The following CWC27 variants were observed in gnomAD, a reference collection of about 807,000 sequenced individuals.
The protein encoded by CWC27 is spliceosome-associated protein CWC27 homolog.
CWC27 carries 47 observed loss-of-function variants against 63.6 expected under a neutral mutation model. The observed-to-expected ratio is 0.74, with a 90% CI of 0.58 to 0.94. The LOEUF is 0.94. CWC27 is among the 40% of genes least tolerant of loss of function. The probability of loss-of-function intolerance (pLI) is 0.00; values close to 1 mark genes in which losing one functional copy is unlikely to be tolerated. For missense variants in CWC27, 495 were observed against 554.3 expected (o/e 0.89, Z 1.07); for synonymous variants, 175 against 179.8 (o/e 0.97, Z 0.22).
At chr5:64,816,726 C>T (rs1390308115) in intron 10 of CWC27, among the ~76,000 whole-genome samples, 1 of 152,062 alleles carries the variant, frequency 6.6e-6, no homozygotes, top group African/African-American at 2.4e-5. Flanking sequence ...TGTGGTAGAA[C>T]CCAAAATGAT....
chr5:64,983,478 A>G (rs1749364414), intron 13 of CWC27, among the ~76,000 whole-genome samples: 1 of 152,230 alleles, frequency 6.6e-6, no homozygotes, highest in Non-Finnish European at 1.5e-5. Flanking sequence ...TCCCCGAGTC[A>G]CACTTTGAGA....
intron 13 of CWC27, among the ~76,000 whole-genome samples, chr5:64,980,705 A>C (rs1218430061): frequency 6.6e-6 from 1 of 152,122 alleles, no homozygotes; most frequent in Non-Finnish European, 1.5e-5. Context: ...TCCATAGTAC[A>C]TACGGTATTT....
At chr5:64,798,130 T>G (rs1383532273) in intron 7 of CWC27, among the ~76,000 whole-genome samples, 1 of 152,182 alleles carries the variant, frequency 6.6e-6, no homozygotes, top group East Asian at 1.9e-4. Flanking sequence ...ATGTTCAGGC[T>G]TTTATTCTTG....
chr5:64,787,143 C>T (rs910692345), intron 6 of CWC27, among the ~76,000 whole-genome samples: 2 of 152,134 alleles, frequency 1.3e-5, no homozygotes, highest in South Asian at 2.1e-4. Flanking sequence ...ACTAGGGTCC[C>T]TCCCATAAAA....
rs1429341404 is a variant in CWC27 at position 64,971,670 on chromosome 5, T to C, written c.1043-33T>C. On this transcript the variant is annotated intron_variant, in intron 11 of 13. Coordinates refer to ENST00000381070, the MANE Select transcript of CWC27 (RefSeq NM_005869.4). ...CTATGAATCCACAGAGCTATTTTAC[T>C]GCTTATTCTAAAAATATTCTACTAT... is the stretch of plus-strand genomic sequence containing the variant. 10 of 1,499,406 alleles carry C rather than the reference T, an allele frequency of 6.7e-6. No homozygotes were observed. The South Asian group carries it at 1.3e-4, about 19-fold the overall frequency. 92.9% of individuals were successfully genotyped at this position (1,499,406 alleles called of 1,614,324 possible).
chr5:64,858,682 A>T (rs1477715616), intron 10 of CWC27, among the ~76,000 whole-genome samples: 1 of 152,092 alleles, frequency 6.6e-6, no homozygotes, highest in Non-Finnish European at 1.5e-5. Context: ...ATTCAGGGCA[A>T]TACAAATTAA....
intron 10 of CWC27, among the ~76,000 whole-genome samples, chr5:64,822,325 G>A (rs1376086259): frequency 1.3e-5 from 2 of 152,200 alleles, no homozygotes; most frequent in Non-Finnish European, 2.9e-5. Flanking sequence ...CAGATAGTTA[G>A]CTGTGTGTAT....
chr5:64,788,164 G>C (rs1743949478), intron 6 of CWC27, among the ~76,000 whole-genome samples: 1 of 151,880 alleles, frequency 6.6e-6, no homozygotes, highest in Non-Finnish European at 1.5e-5. Context: ...TGGATGAAAG[G>C]TCACTGTCAC....
At chr5:64,891,986 G>T (rs952691891) in intron 11 of CWC27, among the ~76,000 whole-genome samples, 2 of 152,134 alleles carry the variant, frequency 1.3e-5, no homozygotes, top group African/African-American at 4.8e-5. Context: ...GTAGAGACGG[G>T]GTTTTGCCCT....
At chr5:64,896,528 CT>C (rs1456894748) in intron 11 of CWC27, among the ~76,000 whole-genome samples, 6 of 151,872 alleles carry the variant, frequency 4.0e-5, no homozygotes, top group Admixed American at 3.3e-4. Context: ...TTCTACGGCC[CT>C]TTTATTGTTT....
intron 11 of CWC27, among the ~76,000 whole-genome samples, chr5:64,914,337 G>T (rs961235664): frequency 5.9e-5 from 9 of 152,116 alleles, no homozygotes; most frequent in Admixed American, 5.9e-4. Context: ...AAGAACCTCT[G>T]TTCAGCAAGA....
At chr5:64,831,274 G>A (rs1745508220) in intron 10 of CWC27, among the ~76,000 whole-genome samples, 1 of 151,722 alleles carries the variant, frequency 6.6e-6, no homozygotes, top group Non-Finnish European at 1.5e-5. Context: ...ATGTTTGCTG[G>A]TTAGTACATT....
chr5:64,932,653 C>A (rs968087234), intron 11 of CWC27, among the ~76,000 whole-genome samples: 3 of 152,138 alleles, frequency 2.0e-5, no homozygotes, highest in Non-Finnish European at 4.4e-5. Context: ...TTCAATCAAC[C>A]ATCCAGGCTT....
chr5:64,853,482 A>T (rs1286746711), intron 10 of CWC27, among the ~76,000 whole-genome samples: 1 of 152,238 alleles, frequency 6.6e-6, no homozygotes, highest in Non-Finnish European at 1.5e-5. Context: ...CATATAACAT[A>T]AAATTTACCA....
At chr5:64,884,340 G>A (rs6898804) in intron 10 of CWC27, 140,029 of 152,098 alleles carry the variant, frequency 0.92, 64,475 homozygotes, top group East Asian at 0.99. Context: ...TTGGAGGCCA[G>A]GCAGATGCAA....
At chr5:64,922,643 A>G (rs1298499589) in intron 11 of CWC27, among the ~76,000 whole-genome samples, 3 of 152,218 alleles carry the variant, frequency 2.0e-5, no homozygotes, top group African/African-American at 4.8e-5. Flanking sequence ...AATCTGGTTC[A>G]AAACCATTGC....
At chr5:64,919,986 A>G (rs1747965736) in intron 11 of CWC27, among the ~76,000 whole-genome samples, 1 of 152,232 alleles carries the variant, frequency 6.6e-6, no homozygotes, top group Non-Finnish European at 1.5e-5. Flanking sequence ...AAATCTCCAC[A>G]ATGCTTTCCA....
chr5:64,885,737 G>GTGTGTT (rs778534933), intron 11 of CWC27, among the ~76,000 whole-genome samples, 191 bp downstream of exon 11: 5 of 141,646 alleles, frequency 3.5e-5, no homozygotes, highest in African/African-American at 1.2e-4. Flanking sequence ...GTGTGTGTGT[G>GTGTGTT]TTTTTAATAC....
At chr5:64,985,776 G>A (rs775521373) in intron 13 of CWC27, among the ~76,000 whole-genome samples, 1 of 152,156 alleles carries the variant, frequency 6.6e-6, no homozygotes, top group Non-Finnish European at 1.5e-5. Context: ...AAGACTTCCA[G>A]TATGAAGACA....
Sources: gnomAD v4.1 joint callset for allele counts (sites outside exome capture counted in the v4.1 genomes callset) on GRCh38, gnomAD v4.1.1 for gene constraint, MANE v1.5 for transcripts, NCBI Gene and HGNC (gene_info 2026-07-23, HGNC 2026-07-21) for gene names.